The following PC variants were observed in gnomAD, a reference collection of about 807,000 sequenced individuals.
The protein encoded by PC is pyruvate carboxylase.
PC carries 46 observed loss-of-function variants against 107.8 expected under a neutral mutation model. The observed-to-expected ratio is 0.43, with a 90% CI of 0.34 to 0.55. The LOEUF is 0.55. Ranked by LOEUF, PC falls within the 20% of genes least tolerant of loss-of-function variation. PC has a pLI of 0.04. For missense variants in PC, 1,241 were observed against 1,643.1 expected (o/e 0.76, Z 4.23); for synonymous variants, 662 against 684.7 (o/e 0.97, Z 0.52).
intron 12 of PC, among the ~76,000 whole-genome samples, chr11:66,861,037 G>A (rs966725444): frequency 6.6e-6 from 1 of 152,220 alleles, no homozygotes; most frequent in Non-Finnish European, 1.5e-5. Flanking sequence ...CCATCAGCCC[G>A]TGATCCTCTG....
intron 3 of PC, among the ~76,000 whole-genome samples, chr11:66,876,448 T>G (rs1032231663): frequency 1.3e-5 from 2 of 152,214 alleles, no homozygotes; most frequent in Non-Finnish European, 2.9e-5. Context: ...CATTTCAAAT[T>G]GACAAGTGAA....
chr11:66,930,278 C>T (rs972271248), intron 3 of PC, among the ~76,000 whole-genome samples: 15 of 152,080 alleles, frequency 9.9e-5, no homozygotes, highest in Non-Finnish European at 1.8e-4. Context: ...ACTACCTGGG[C>T]GATCAGAAAA....
At chr11:66,873,521 T>TA (rs369170753) in intron 3 of PC, among the ~76,000 whole-genome samples, 55 of 85,282 alleles carry the variant, frequency 6.4e-4, no homozygotes, top group African/African-American at 1.4e-3. Context: ...TATTATATTA[T>TA]ATATTATAAT....
chr11:66,905,232 G>C (rs894026678), intron 3 of PC, among the ~76,000 whole-genome samples: 3 of 152,266 alleles, frequency 2.0e-5, no homozygotes, highest in Non-Finnish European at 4.4e-5. Context: ...TAGAGAAAAG[G>C]GAGAGGAGGC....
intron 1 of PC, among the ~76,000 whole-genome samples, chr11:66,956,539 C>T (rs1949565630): frequency 6.6e-6 from 1 of 152,144 alleles, no homozygotes. Context: ...GAGCTGAGAT[C>T]ACACCGCTGC....
At chr11:66,889,917 C>T (rs1947505705) in intron 3 of PC, among the ~76,000 whole-genome samples, 1 of 142,030 alleles carries the variant, frequency 7.0e-6, no homozygotes, top group African/African-American at 2.5e-5. Flanking sequence ...ATCATTTTAA[C>T]TTGTTTTACC....
intron 9 of PC, among the ~76,000 whole-genome samples, chr11:66,869,754 G>A (rs957833898): frequency 6.6e-6 from 1 of 152,162 alleles, no homozygotes; most frequent in Non-Finnish European, 1.5e-5. Context: ...GTGCTCTCCA[G>A]GCCAGTCCTG....
intron 3 of PC, among the ~76,000 whole-genome samples, chr11:66,933,234 G>A (rs919762197): frequency 5.3e-5 from 8 of 152,078 alleles, no homozygotes; most frequent in African/African-American, 1.7e-4. Context: ...TACCACAGAT[G>A]AGATGCAACT....
Position 66,852,594 on chromosome 11 carries a change from A to G in PC, c.1670T>C (p.Val557Ala). The stretch of plus-strand genomic sequence containing the variant: ...CAGCAGCAGCCCCGGGTGGTTCCGC[A>G]CAGCTCGAGCAAAGCCCTCAGGCCC... ...REGPEGFARA[V>A]RNHPGLLLMD... Residue 557 changes from valine (V) to alanine (A), a missense_variant, in exon 15 of 23, where the codon GTG (valine) becomes GCG (alanine). Val to Ala is a moderately conservative substitution (Grantham distance 64). This residue lies in a region of PC where 1,143 missense variants were observed against 1,551.9 expected (regional missense o/e 0.74). Coordinates refer to ENST00000393960, the MANE Select transcript of PC (RefSeq NM_001040716.2). This position sits in a 1 kb window ranked among gnomAD's most constrained non-coding sequence, Gnocchi z 4.7. 1 of 1,614,014 alleles carries G rather than the reference A, an allele frequency of 6.2e-7. No homozygotes were observed. The highest frequency in any genetic ancestry group is 8.5e-7 in the Non-Finnish European group (1 of 1,180,016).
rs1223008533 is a variant in PC at position 66,863,627 on chromosome 11, C to T, written c.1368+147G>A. On this transcript the variant is annotated intron_variant, in intron 12 of 22. Coordinates refer to ENST00000393960, the MANE Select transcript of PC (RefSeq NM_001040716.2). Reference sequence around the variant, plus strand: ...ACAGCTGGAGTCTGGCGTGCAGCTGCAGCCAAGGAGAGCCACTGACCTCGA... The same window carrying T: ...ACAGCTGGAGTCTGGCGTGCAGCTGTAGCCAAGGAGAGCCACTGACCTCGA... 1.3e-5 allele frequency: 11 copies of T among 850,772 alleles called. No individual in the cohort carries two copies. The Admixed American group carries it at 2.2e-4, about 17-fold the overall frequency. The allele number at this position is 850,772 out of a possible 1,614,324, so 52.7% of individuals were successfully genotyped here.
chr11:66,871,725 C>A lies in PC; in HGVS notation c.283G>T (p.Ala95Ser). 1.3e-6 allele frequency: 2 copies of A among 1,573,306 alleles called. No individual in the cohort carries two copies. Among genetic ancestry groups the A allele is most frequent in the South Asian group, 2.3e-5 (2 of 86,438 alleles). The stretch of plus-strand genomic sequence containing the variant: ...ATGATGTCTGGGATGTGCAGGTAGG[C>A]CTGCACGGGGGCCAGGCCGCGGCCG... ...LIGRGLAPVQ[A>S]YLHIPDIIKV... Residue 95 changes from alanine to serine, a missense_variant, in exon 5 of 23, where the codon GCC becomes TCC. Coordinates refer to ENST00000393960, the MANE Select transcript of PC (RefSeq NM_001040716.2). This position sits in a 1 kb window ranked among gnomAD's most constrained non-coding sequence, Gnocchi z 7.4.
intron 3 of PC, among the ~76,000 whole-genome samples, chr11:66,922,672 T>A (rs190722500): frequency 1.7e-3 from 256 of 151,646 alleles, no homozygotes; most frequent in Non-Finnish European, 2.6e-3. Context: ...TCCTCCACTC[T>A]TTCATTTCTG....
chr11:66,950,096 TGAGAA>T (rs1949402285), intron 3 of PC, among the ~76,000 whole-genome samples: 1 of 152,206 alleles, frequency 6.6e-6, no homozygotes, highest in African/African-American at 2.4e-5. Context: ...AGCATGTACA[TGAGAA>T]GAGGCTCCAA....
intron 2 of PC, among the ~76,000 whole-genome samples, chr11:66,952,998 A>G (rs1465433879): frequency 6.6e-6 from 1 of 152,212 alleles, no homozygotes; most frequent in Admixed American, 6.5e-5. Context: ...AAATGGGAAT[A>G]ATAACAATGC....
At chr11:66,853,124 AG>A (rs1252158385) in intron 13 of PC, 114 bp downstream of exon 13, 17 of 1,173,122 alleles carry the variant, frequency 1.4e-5, no homozygotes, top group Non-Finnish European at 1.8e-5. Flanking sequence ...GGCAGGGGTG[AG>A]GGGCAGGGGG....
rs1305138889 is a variant in PC at position 66,871,252 on chromosome 11, C to A, written c.488-55G>T. 1 of 1,613,594 alleles carries A rather than the reference C, an allele frequency of 6.2e-7. No homozygotes were observed. Among genetic ancestry groups the A allele is most frequent in the Non-Finnish European group, 8.5e-7 (1 of 1,179,744 alleles). On this transcript the variant is annotated intron_variant, in intron 6 of 22. Coordinates refer to ENST00000393960, the MANE Select transcript of PC (RefSeq NM_001040716.2). The surrounding 1 kb of genome is among the most constrained non-coding windows in gnomAD (Gnocchi z 7.4). ...TGTAACAGGCGGGAATCCCTGCCAC[C>A]CCTCCCTGCTGGACCCTCTCCAGGA...
At chr11:66,906,576 A>C (rs1205753910) in intron 3 of PC, among the ~76,000 whole-genome samples, 2 of 152,142 alleles carry the variant, frequency 1.3e-5, no homozygotes, top group East Asian at 3.9e-4. Flanking sequence ...AAGCAGAGGG[A>C]AATAGAGCTG....
At position 66,858,174 on chromosome 11, in the gene PC, C is replaced by G; in HGVS notation, c.1369-4791G>C. ...CGCGCCGGGAGCCTTCGACGACTTC[C>G]TAGAGAGCCTGGAGGACCTGGACCT... On this transcript the variant is annotated intron_variant, in intron 12 of 22. Transcript: ENST00000393960. The surrounding 1 kb of genome is among the most constrained non-coding windows in gnomAD (Gnocchi z 5.9). 1 of 1,611,494 alleles carries G rather than the reference C, an allele frequency of 6.2e-7. No homozygotes were observed.
At chr11:66,893,779 G>A (rs972532051) in intron 3 of PC, among the ~76,000 whole-genome samples, 2 of 146,890 alleles carry the variant, frequency 1.4e-5, no homozygotes, top group African/African-American at 2.5e-5. Context: ...GCAGAACTTA[G>A]CCCCCGCCCC....
Sources: allele counts gnomAD v4.1 joint callset (sites outside exome capture counted in the v4.1 genomes callset), GRCh38; gene constraint gnomAD v4.1.1; regional missense constraint gnomAD v4.1.1; non-coding constraint Gnocchi (gnomAD v3.1); transcripts MANE v1.5; gene names NCBI Gene and HGNC (gene_info 2026-07-23, HGNC 2026-07-21).